The following ATP10B variants were observed in gnomAD, a reference collection of about 807,000 sequenced individuals.
ATP10B encodes phospholipid-transporting ATPase VB.
In ATP10B, 122 loss-of-function variants were observed where a neutral mutation model predicts 141.2. That is an observed-to-expected ratio of 0.86 (90% CI 0.75 to 1.00). The LOEUF (loss-of-function observed/expected upper bound fraction) is 1.00, where lower values mean the gene tolerates loss of function less well. Among genes scored for constraint, ATP10B ranks in the 50% least tolerant of loss-of-function variants. The probability of loss-of-function intolerance (pLI) is 0.00; values close to 1 mark genes in which losing one functional copy is unlikely to be tolerated. For synonymous variants in ATP10B, 685 were observed against 692.0 expected (o/e 0.99, Z 0.16); for missense variants, 1,876 against 1,825.3 (o/e 1.03, Z -0.51).
chr5:160,880,268 A>G, the ATP10B span, among the ~76,000 whole-genome samples: 1 of 147,282 alleles, frequency 6.8e-6, no homozygotes, highest in Non-Finnish European at 1.5e-5. Context: ...TAAATTATAT[A>G]ATATAAAAGA....
intron 7 of ATP10B, among the ~76,000 whole-genome samples, chr5:160,668,924 A>C (rs976237425): frequency 1.3e-5 from 2 of 152,232 alleles, no homozygotes; most frequent in Non-Finnish European, 1.5e-5. Flanking sequence ...GAGGCAAGGC[A>C]AGGTACAATG....
At chr5:160,689,800 C>G (rs1230569572) in intron 3 of ATP10B, among the ~76,000 whole-genome samples, 1 of 152,112 alleles carries the variant, frequency 6.6e-6, no homozygotes, top group Non-Finnish European at 1.5e-5. Context: ...TTTATAGATT[C>G]AATGCTATAC....
chr5:160,920,569 T>C, the ATP10B span, among the ~76,000 whole-genome samples: 2 of 152,306 alleles, frequency 1.3e-5, no homozygotes, highest in East Asian at 3.9e-4. Flanking sequence ...AGTAACAAAA[T>C]GGGTCCTGTT....
chr5:160,598,866 G>C lies in ATP10B; in HGVS notation c.3468C>G (p.Ser1156=), dbSNP rs377316993. 136 of 1,614,074 alleles carry C rather than the reference G, an allele frequency of 8.4e-5. No individual in the cohort carries two copies. The highest frequency in any genetic ancestry group is 1.1e-4 in the Non-Finnish European group (131 of 1,180,016). Reference sequence around the variant, plus strand: ...GGACTCCAAAGACAAGAGGAGGCAAGGAGGTAAAGAAGAGATTGAAGAATA... The same window carrying C: ...GGACTCCAAAGACAAGAGGAGGCAACGAGGTAAAGAAGAGATTGAAGAATA... The part of the protein sequence containing the change: ...QMIFFNLFFT[S]LPPLVFGVLD... The change falls in exon 22 of 26, where the codon TCC becomes TCG. Residue 1156 remains serine (S), a synonymous_variant. Transcript: ENST00000327245.
intron 6 of ATP10B, among the ~76,000 whole-genome samples, chr5:160,678,628 G>T (rs1763186447): frequency 6.6e-6 from 1 of 152,230 alleles, no homozygotes; most frequent in Non-Finnish European, 1.5e-5. Flanking sequence ...CTGCACTCCA[G>T]CCTGGGCTCA....
chr5:160,745,914 A>AT (rs1378492811), intron 2 of ATP10B, among the ~76,000 whole-genome samples: 6 of 152,366 alleles, frequency 3.9e-5, no homozygotes, highest in East Asian at 3.9e-4. Context: ...AAAATACTTG[A>AT]TTCCACTGCC....
chr5:160,737,810 A>G (rs1465388797), intron 2 of ATP10B, among the ~76,000 whole-genome samples: 3 of 152,174 alleles, frequency 2.0e-5, no homozygotes, highest in African/African-American at 7.2e-5. Flanking sequence ...GACCTTAAAA[A>G]TATGTAAAGC....
chr5:160,905,647 A>G, the ATP10B span, among the ~76,000 whole-genome samples: 7 of 152,166 alleles, frequency 4.6e-5, no homozygotes, highest in Admixed American at 2.0e-4. Context: ...AAAAAAGATC[A>G]TTTATATAAA....
At chr5:160,900,255 C>A in the ATP10B span, among the ~76,000 whole-genome samples, 3 of 152,140 alleles carry the variant, frequency 2.0e-5, no homozygotes, top group Admixed American at 1.3e-4. Context: ...TTTCTTCATG[C>A]ACATTTTCTT....
the ATP10B span, among the ~76,000 whole-genome samples, chr5:160,893,287 G>C: frequency 1.3e-5 from 2 of 152,306 alleles, no homozygotes; most frequent in South Asian, 2.1e-4. Context: ...AACAAGCTAA[G>C]ATCTACTGGC....
At chr5:160,877,198 G>C in the ATP10B span, among the ~76,000 whole-genome samples, 1 of 151,942 alleles carries the variant, frequency 6.6e-6, no homozygotes, top group Non-Finnish European at 1.5e-5. Context: ...GATCAAGTGG[G>C]CTTCATCCCT....
intron 1 of ATP10B, among the ~76,000 whole-genome samples, chr5:160,807,785 T>G (rs1426365769): frequency 1.3e-5 from 2 of 152,220 alleles, no homozygotes; most frequent in Non-Finnish European, 2.9e-5. Flanking sequence ...ATCTGAATGC[T>G]GTATTCCCTA....
chr5:160,594,403 A>G (rs1156431484), intron 22 of ATP10B, among the ~76,000 whole-genome samples: 1 of 152,230 alleles, frequency 6.6e-6, no homozygotes, highest in African/African-American at 2.4e-5. Context: ...AAACATGGAA[A>G]GGAACAACCA....
rs1291905414 is a variant in ATP10B, at chr5:160,620,632, C to G, written c.2131G>C (p.Ala711Pro). The change falls in exon 15 of 26, where the codon GCC (alanine) becomes CCC (proline). Residue 711 changes from alanine to proline, a missense_variant. Transcript: ENST00000327245. ...GCCTCGTAACAGAACTCAGGCCTGG[C>G]CAGGTCTGTGGCTGGGGCCTCCAAT... ...EALEAPATDL[A>P]RPEFCYEAES... The G allele has an allele frequency of 1.2e-6, 2 of 1,613,532 alleles. No homozygotes were observed. The highest frequency in any genetic ancestry group is 1.7e-6 in the Non-Finnish European group (2 of 1,179,640).
chr5:160,692,843 C>T (rs577228649), intron 3 of ATP10B: 66 of 152,294 alleles, frequency 4.3e-4, no homozygotes, highest in African/African-American at 1.5e-3. Flanking sequence ...AGGTTTCCTC[C>T]CATCTCTTTA....
intron 19 of ATP10B, among the ~76,000 whole-genome samples, chr5:160,604,927 C>T (rs1169802417): frequency 6.6e-6 from 1 of 152,234 alleles, no homozygotes; most frequent in East Asian, 1.9e-4. Flanking sequence ...AAACTCTCCC[C>T]AGTGCTTTTT....
Position 160,565,606 on chromosome 5 carries a change from G to A in ATP10B, c.4233C>T (p.Asp1411=), listed in dbSNP as rs759793953. 6.2e-7 allele frequency: 1 copy of A among 1,614,130 alleles called. No homozygotes were observed. The highest frequency in any genetic ancestry group is 8.5e-7 in the Non-Finnish European group (1 of 1,179,982). ...GAGCTGAGGAGTCCCCTGAGCATGA[G>A]TCATCCCTCATGCACTCCGTGCCAC... The part of the protein sequence containing the change: ...QRCGTECMRD[D]SCSGDSSAQL... The change falls in exon 26 of 26, where the codon GAC becomes GAT. Residue 1411 remains aspartate (D), a synonymous_variant. Transcript: ENST00000327245.
At chr5:160,747,027 C>A (rs947169438) in intron 2 of ATP10B, among the ~76,000 whole-genome samples, 2 of 152,190 alleles carry the variant, frequency 1.3e-5, no homozygotes, top group Non-Finnish European at 2.9e-5. Flanking sequence ...AGGTTTTAAA[C>A]AAAACTGAGA....
intron 3 of ATP10B, among the ~76,000 whole-genome samples, chr5:160,705,124 T>C (rs1182560648): frequency 1.3e-5 from 2 of 151,800 alleles, no homozygotes; most frequent in African/African-American, 4.8e-5. Flanking sequence ...TTCACTGTGT[T>C]AGCCAGGATG....
Sources: allele counts gnomAD v4.1 joint callset (sites outside exome capture counted in the v4.1 genomes callset), GRCh38; gene constraint gnomAD v4.1.1; transcripts MANE v1.5; gene names NCBI Gene and HGNC (gene_info 2026-07-23, HGNC 2026-07-21).